The following ACTN1 variants were observed in gnomAD, a reference collection of about 807,000 sequenced individuals.
The protein encoded by ACTN1 is alpha-actinin-1.
ACTN1 carries 30 observed loss-of-function variants against 119.6 expected under a neutral mutation model. The observed-to-expected ratio is 0.25, with a 90% confidence interval of 0.19 to 0.34. The LOEUF is 0.34. Among genes scored for constraint, ACTN1 ranks in the 10% least tolerant of loss-of-function variants. The pLI is 1.00. For missense variants in ACTN1, 764 were observed against 1,223.4 expected (o/e 0.62, Z 5.60); for synonymous variants, 429 against 472.6 (o/e 0.91, Z 1.20).
At chr14:68,953,752 T>C (rs1594866933) in intron 1 of ACTN1, among the ~76,000 whole-genome samples, 1 of 150,792 alleles carries the variant, frequency 6.6e-6, no homozygotes, top group African/African-American at 2.4e-5. Context: ...CTAGGCGTGG[T>C]GGCATGCGCC....
intron 1 of ACTN1, among the ~76,000 whole-genome samples, chr14:68,938,819 T>C (rs2035650437): frequency 6.6e-6 from 1 of 152,224 alleles, no homozygotes; most frequent in Non-Finnish European, 1.5e-5. Context: ...AAGTTAATCA[T>C]TCACAGAGCA....
chr14:68,953,823 T>C (rs1214007163), intron 1 of ACTN1, among the ~76,000 whole-genome samples: 1 of 150,064 alleles, frequency 6.7e-6, no homozygotes, highest in Non-Finnish European at 1.5e-5. Context: ...GGAGGTGGAG[T>C]TGCAGTGAGC....
In ACTN1 at chr14:68,968,166, G is replaced by C. The variant is rs138568751; in HGVS notation, c.105+10786C>G. On this transcript the variant is annotated intron_variant, in intron 1 of 21. Coordinates refer to ENST00000394419, the MANE Select transcript of ACTN1 (RefSeq NM_001130004.2). ...TGCCACACACACGTGTGGGTGGAAA[G>C]AGAGTAAGATACTGAGACTGACGTC... 8.7e-3 allele frequency among the ~76,000 whole-genome samples: 1,327 copies of C among 152,320 alleles called. 10 individuals carry two copies. Among genetic ancestry groups the C allele is most frequent in the Non-Finnish European group, 0.014 (948 of 68,016 alleles).
At chr14:68,894,662 GC>G (rs113715614) in intron 8 of ACTN1, among the ~76,000 whole-genome samples, 3,694 of 152,246 alleles carry the variant, frequency 0.024, 54 homozygotes, top group Middle Eastern at 0.085. Context: ...TGAACTCAAA[GC>G]CTTTTGGGGG....
At chr14:68,939,443 GTAA>G (rs990094907) in intron 1 of ACTN1, among the ~76,000 whole-genome samples, 3 of 152,156 alleles carry the variant, frequency 2.0e-5, no homozygotes, top group African/African-American at 7.2e-5. Context: ...GGTGAAAATA[GTAA>G]TAATAAAATA....
chr14:68,889,507 T>C (rs976932679), intron 11 of ACTN1, among the ~76,000 whole-genome samples: 1 of 152,178 alleles, frequency 6.6e-6, no homozygotes, highest in Non-Finnish European at 1.5e-5. Flanking sequence ...TAAGATGACA[T>C]TATACGGCTG....
In ACTN1 at chr14:68,884,178, T is replaced by C. The variant is rs370273046; in HGVS notation, c.1625A>G (p.Glu542Gly). Residue 542 changes from glutamate to glycine, a missense_variant, in exon 14 of 22, where the codon GAG becomes GGG. Coordinates refer to ENST00000394419, the MANE Select transcript of ACTN1 (RefSeq NM_001130004.2). ...GGAGGTGGGGCTCACCTGGATCTCC[T>C]CAATGGTGTGCACAATGAAGGTGTC... The part of the protein sequence containing the change: ...LQDTFIVHTI[E>G]EIQGLTTAHE... The C allele has an allele frequency of 1.6e-5, 26 of 1,613,638 alleles. No homozygotes were observed. Among genetic ancestry groups the C allele is most frequent in the Non-Finnish European group, 2.2e-5 (26 of 1,179,790 alleles).
rs760771735 is a variant in ACTN1 at position 68,879,852 on chromosome 14, TTCTC to T, written c.2280+106_2280+109del. 66 of 1,469,618 alleles carry T rather than the reference TTCTC, an allele frequency of 4.5e-5. No homozygotes were observed. Among genetic ancestry groups the T allele is most frequent in the Non-Finnish European group, 4.9e-5 (53 of 1,091,776 alleles). The allele number at this position is 1,469,618 out of a possible 1,614,324, so 91.0% of individuals were successfully genotyped here. A position where few individuals can be genotyped will look rare whatever the true frequency, so the allele number is the denominator to read the frequency against. ...GGGCAGGCTGACGGCAGTTTCCCCT[TTCTC>T]TCCCTCCTCACTTGCATGGCAGCCC... On this transcript the variant is annotated intron_variant, in intron 18 of 21. Coordinates refer to ENST00000394419, the MANE Select transcript of ACTN1 (RefSeq NM_001130004.2). The surrounding 1 kb of genome is among the most constrained non-coding windows in gnomAD (Gnocchi z 4.9).
chr14:68,950,219 G>A (rs189506237), intron 1 of ACTN1, among the ~76,000 whole-genome samples: 106 of 149,806 alleles, frequency 7.1e-4, no homozygotes, highest in East Asian at 7.9e-4. Context: ...ACTTGAACCC[G>A]AGAGGAGGAG....
chr14:68,961,855 C>T (rs2036551774), intron 1 of ACTN1, among the ~76,000 whole-genome samples: 1 of 152,192 alleles, frequency 6.6e-6, no homozygotes. Context: ...TCAGAAGCCA[C>T]TCCCCACGGG....
At chr14:68,950,112 A>G (rs917850916) in intron 1 of ACTN1, among the ~76,000 whole-genome samples, 3 of 152,030 alleles carry the variant, frequency 2.0e-5, no homozygotes, top group Non-Finnish European at 4.4e-5. Context: ...TAGCCAACAT[A>G]ATGAAACCCC....
rs202033263 is a variant in ACTN1, at chr14:68,882,605, C to T, written c.1819-13G>A. 6.7e-5 allele frequency: 108 copies of T among 1,613,436 alleles called. No homozygotes were observed. In the African/African-American group the frequency reaches 1.2e-3, roughly 18 times the overall value. On this transcript the variant is annotated splice_polypyrimidine_tract_variant and intron_variant, in intron 15 of 21. Coordinates refer to ENST00000394419, the MANE Select transcript of ACTN1 (RefSeq NM_001130004.2). This position sits in a 1 kb window ranked among gnomAD's most constrained non-coding sequence, Gnocchi z 4.5. ...CCAGCTGCCGCACCTGGGGCAGGAA[C>T]AACAAGGCGACTTTCAGGATGGGTC...
rs1256134323 is a variant in ACTN1, at chr14:68,880,983, C to T, written c.1960G>A (p.Gly654Arg). ...CCATGCATCTCAATGGAGATCCTCC[C>T]GATCTCCTGCTCACCGGGAAGGAAG... The part of the protein sequence containing the change: ...PWIQTKMEEI[G>R]RISIEMHGTL... The change falls in exon 17 of 22, where the codon GGG becomes AGG. Residue 654 changes from glycine (G) to arginine (R), a missense_variant. Physicochemically the swap from Gly to Arg is moderately radical, Grantham distance 125. Transcript: ENST00000394419. This position sits in a 1 kb window ranked among gnomAD's most constrained non-coding sequence, Gnocchi z 4.6. 4 of 1,613,866 alleles carry T rather than the reference C, an allele frequency of 2.5e-6. No individual in the cohort carries two copies. Among genetic ancestry groups the T allele is most frequent in the Non-Finnish European group, 3.4e-6 (4 of 1,179,966 alleles).
At chr14:68,934,886 C>G (rs1189690906) in intron 1 of ACTN1, among the ~76,000 whole-genome samples, 1 of 152,118 alleles carries the variant, frequency 6.6e-6, no homozygotes, top group African/African-American at 2.4e-5. Context: ...ACTATGTGGG[C>G]AATCACACAA....
rs2031105901 is a variant in ACTN1 at position 68,878,181 on chromosome 14, G to A, written c.2427+277C>T. 1 of 368,114 alleles carries A rather than the reference G, an allele frequency of 2.7e-6. No homozygotes were observed. Among genetic ancestry groups the A allele is most frequent in the Non-Finnish European group, 4.9e-6 (1 of 205,164 alleles). 22.8% of individuals were successfully genotyped at this position (368,114 alleles called of 1,614,324 possible). The stretch of plus-strand genomic sequence containing the variant: ...CCACCAGTCCTTCCTGCCAGCCTCA[G>A]GGTCAGCCCAGCTGTCCACAGTGGG... On this transcript the variant is annotated intron_variant, in intron 20 of 21. Coordinates refer to ENST00000394419, the MANE Select transcript of ACTN1 (RefSeq NM_001130004.2). This position sits in a 1 kb window ranked among gnomAD's most constrained non-coding sequence, Gnocchi z 4.4.
chr14:68,914,095 G>A (rs1003629348), intron 3 of ACTN1, among the ~76,000 whole-genome samples: 4 of 152,256 alleles, frequency 2.6e-5, no homozygotes, highest in African/African-American at 7.2e-5. Context: ...GGTAGTGCCT[G>A]TAGTCCCAGC....
chr14:68,953,365 C>T (rs10151944), intron 1 of ACTN1, among the ~76,000 whole-genome samples: 1 of 152,168 alleles, frequency 6.6e-6, no homozygotes, highest in Non-Finnish European at 1.5e-5. Flanking sequence ...CCATGTCCCC[C>T]ACTCCATGCC....
intron 12 of ACTN1, 66 bp from the exon 13 acceptor site, chr14:68,884,949 C>T: frequency 7.3e-7 from 1 of 1,362,938 alleles, no homozygotes. Context: ...CTCCCTCTCT[C>T]TGAGGCTGTC....
In ACTN1 at chr14:68,882,880, C is replaced by A; in HGVS notation, c.1811G>T (p.Trp604Leu). The A allele has an allele frequency of 6.2e-7, 1 of 1,614,162 alleles. No homozygotes were observed. The highest frequency in any genetic ancestry group is 8.5e-7 in the Non-Finnish European group (1 of 1,180,006). ...CCATGCCCTTCAACTCACGTGGTCC[C>A]ATTTGCCATTGATCTCCTGAGGCGT... The part of the protein sequence containing the change: ...TITPQEINGK[W>L]DHVRQLVPRR... The change falls in exon 15 of 22, where the codon TGG becomes TTG. Residue 604 changes from tryptophan to leucine, a missense_variant. By Grantham distance (61) the Trp-to-Leu change is moderately conservative (BLOSUM62 -2). This residue lies in a region of ACTN1 where 544 missense variants were observed against 912.0 expected (regional missense o/e 0.60). Transcript: ENST00000394419. The surrounding 1 kb of genome is among the most constrained non-coding windows in gnomAD (Gnocchi z 4.5).
Sources: allele counts gnomAD v4.1 joint callset (sites outside exome capture counted in the v4.1 genomes callset), GRCh38; gene constraint gnomAD v4.1.1; regional missense constraint gnomAD v4.1.1; non-coding constraint Gnocchi (gnomAD v3.1); transcripts MANE v1.5; gene names NCBI Gene and HGNC (gene_info 2026-07-23, HGNC 2026-07-21).